Variants in TMEM184C observed in about 807,000 individuals in gnomAD.
The protein encoded by TMEM184C is transmembrane protein 184C, also known as transmembrane protein 34.
In TMEM184C, 25 loss-of-function variants were observed where a neutral mutation model predicts 54.5. That is an observed-to-expected ratio of 0.46 (90% CI 0.33 to 0.64). The LOEUF is 0.64. Ranked by LOEUF, TMEM184C falls within the 30% of genes least tolerant of loss-of-function variation. TMEM184C has a pLI of 0.02. For synonymous variants in TMEM184C, 148 were observed against 181.5 expected, an observed-to-expected ratio of 0.82 and a Z score of 1.49; for missense variants, 335 against 520.3, an observed-to-expected ratio of 0.64 and a Z score of 3.46.
intron 8 of TMEM184C, among the ~76,000 whole-genome samples, chr4:147,633,287 TG>T (rs1170784618): frequency 7.2e-5 from 11 of 151,860 alleles, no homozygotes; most frequent in Admixed American, 7.2e-4. Context: ...GAGAATGAAA[TG>T]TACTTTGCTA....
At chr4:147,625,283 T>C (rs1290576741) in intron 4 of TMEM184C, among the ~76,000 whole-genome samples, 1 of 152,218 alleles carries the variant, frequency 6.6e-6, no homozygotes, top group Non-Finnish European at 1.5e-5. Context: ...AATATGCTTT[T>C]GCAGTTGAGA....
At chr4:147,625,862 C>T (rs1314964240) in intron 4 of TMEM184C, among the ~76,000 whole-genome samples, 1 of 152,052 alleles carries the variant, frequency 6.6e-6, no homozygotes, top group Non-Finnish European at 1.5e-5. Context: ...GCCAGCTGTG[C>T]GGGAGACAGG....
chr4:147,630,918 C>T (rs1043624846), intron 6 of TMEM184C, among the ~76,000 whole-genome samples: 3 of 152,040 alleles, frequency 2.0e-5, no homozygotes, highest in African/African-American at 2.4e-5. Context: ...TGAACTAATA[C>T]ACCGCTCTCA....
intron 7 of TMEM184C, chr4:147,632,579 C>T (rs1368139883): frequency 4.7e-6 from 1 of 212,696 alleles, no homozygotes; most frequent in Non-Finnish European, 9.3e-6. Context: ...ATAAGAAACA[C>T]TGAAGTGAAT....
chr4:147,636,117 CAG>C lies in TMEM184C; in HGVS notation c.*1685_*1686del, dbSNP rs1238150569. 6.6e-6 allele frequency: 1 copy of C among 151,850 alleles called. No homozygotes were observed. The highest frequency in any genetic ancestry group is 1.9e-4 in the East Asian group (1 of 5,184). 9.4% of individuals were successfully genotyped at this position (151,850 alleles called of 1,614,324 possible). The stretch of plus-strand genomic sequence containing the variant: ...ATTCCAATGGCATTATTTACACAAA[CAG>C]AAAAAAATCCTAAAATTCATATGTA... On this transcript the variant is annotated 3_prime_UTR_variant, in exon 10 of 10. Transcript: ENST00000296582.
At chr4:147,626,009 T>TA (rs1732808913) in intron 4 of TMEM184C, among the ~76,000 whole-genome samples, 1 of 152,004 alleles carries the variant, frequency 6.6e-6, no homozygotes, top group Non-Finnish European at 1.5e-5. Flanking sequence ...GTCAAAGCTG[T>TA]CCACTTATAC....
chr4:147,626,576 T>C (rs983824588), intron 4 of TMEM184C, among the ~76,000 whole-genome samples: 2 of 152,240 alleles, frequency 1.3e-5, no homozygotes, highest in Non-Finnish European at 2.9e-5. Context: ...CTGACAAATT[T>C]TGTCTCTATT....
At position 147,624,868 on chromosome 4, in the gene TMEM184C, C is replaced by T; in HGVS notation, c.356C>T (p.Ala119Val). 1 of 1,613,850 alleles carries T rather than the reference C, an allele frequency of 6.2e-7. No individual in the cohort carries two copies. The highest frequency in any genetic ancestry group is 8.5e-7 in the Non-Finnish European group (1 of 1,179,860). ...GATACCTGCAGAGAATGCTATGAAG[C>T]TTATGTAATTTACAACTTTATGGGA... is the stretch of plus-strand genomic sequence containing the variant. Reference protein sequence around the residue: ...YVDTCRECYEAYVIYNFMGFL... With the variant: ...YVDTCRECYEVYVIYNFMGFL... Residue 119 changes from alanine to valine, a missense_variant, in exon 4 of 10, where the codon GCT becomes GTT. Ala to Val is a moderately conservative substitution (Grantham distance 64). Coordinates refer to ENST00000296582, the MANE Select transcript of TMEM184C (RefSeq NM_018241.3).
At chr4:147,634,081 A>G in intron 9 of TMEM184C, 88 bp from the exon 10 acceptor site, 1 of 1,530,198 alleles carries the variant, frequency 6.5e-7, no homozygotes, top group Admixed American at 1.9e-5. Context: ...GGGGAGTGGG[A>G]GAGGGGGAAG....
At position 147,624,999 on chromosome 4, in the gene TMEM184C, G is replaced by C. The variant is rs770194531; in HGVS notation, c.487G>C (p.Ala163Pro). 6.2e-7 allele frequency: 1 copy of C among 1,613,712 alleles called. No homozygotes were observed. Among genetic ancestry groups the C allele is most frequent in the South Asian group, 1.1e-5 (1 of 91,040 alleles). ...FPPLCCCPPW[A>P]MGEVLLFRCK... ...TCCTTTATGTTGCTGTCCACCATGG[G>C]CTATGGGAGAGTAAGTATGTTTGGT... The change falls in exon 4 of 10, where the codon GCT becomes CCT. Residue 163 changes from alanine to proline, a missense_variant. Coordinates refer to ENST00000296582, the MANE Select transcript of TMEM184C (RefSeq NM_018241.3).
chr4:147,627,831 A>AGAG (rs1328922895), intron 4 of TMEM184C, among the ~76,000 whole-genome samples: 2 of 150,996 alleles, frequency 1.3e-5, no homozygotes, highest in African/African-American at 4.9e-5. Flanking sequence ...CAGGAGGTCA[A>AGAG]GAGTAGCCTG....
Position 147,634,515 on chromosome 4 carries a change from C to A in TMEM184C, c.*81C>A. 6.8e-7 allele frequency: 1 copy of A among 1,460,720 alleles called. No individual in the cohort carries two copies. Among genetic ancestry groups the A allele is most frequent in the Non-Finnish European group, 9.2e-7 (1 of 1,087,642 alleles). The allele number at this position is 1,460,720 out of a possible 1,614,324, so 90.5% of individuals were successfully genotyped here. On this transcript the variant is annotated 3_prime_UTR_variant, in exon 10 of 10. Coordinates refer to ENST00000296582, the MANE Select transcript of TMEM184C (RefSeq NM_018241.3). The stretch of plus-strand genomic sequence containing the variant: ...CATGGATTTTGTGCTTGGGACAGAC[C>A]ATAAATGATGGAAAATGTCAACACA...
rs1578858783 is a variant in TMEM184C at position 147,625,135 on chromosome 4, G to A, written c.497+126G>A. 1.1e-5 allele frequency: 9 copies of A among 816,330 alleles called. No individual in the cohort carries two copies. In the East Asian group the frequency reaches 2.3e-4, roughly 21 times the overall value. The allele number at this position is 816,330 out of a possible 1,614,324, so 50.6% of individuals were successfully genotyped here. A position where few individuals can be genotyped will look rare whatever the true frequency, so the allele number is the denominator to read the frequency against. On this transcript the variant is annotated intron_variant, in intron 4 of 9. Transcript: ENST00000296582. ...ATAGCAGAACAATAAGTATAAGACA[G>A]CTCCTGATGCAGTTCATAGTTGTTT...
chr4:147,624,149 C>T (rs1032689389), intron 3 of TMEM184C, 51 bp downstream of exon 3: 3 of 1,459,924 alleles, frequency 2.1e-6, no homozygotes, highest in South Asian at 1.2e-5. Context: ...TTTGATGATA[C>T]TATAATTACA....
chr4:147,632,834 A>T, intron 7 of TMEM184C, 69 bp from the exon 8 acceptor site: 1 of 1,430,384 alleles, frequency 7.0e-7, no homozygotes, highest in African/African-American at 1.4e-5. Flanking sequence ...TTTTAATGGC[A>T]CATTTTTAAA....
intron 6 of TMEM184C, 124 bp from the exon 7 acceptor site, chr4:147,631,269 A>T (rs535759363): frequency 1.8e-4 from 110 of 606,698 alleles, no homozygotes; most frequent in Admixed American, 9.4e-4. Context: ...CTAAAAATAG[A>T]ATAATAAAGC....
chr4:147,621,799 G>C (rs1232976989), intron 1 of TMEM184C, among the ~76,000 whole-genome samples: 1 of 152,038 alleles, frequency 6.6e-6, no homozygotes, highest in African/African-American at 2.4e-5. Context: ...CAAGTCTCTA[G>C]TCACTTGTTT....
intron 9 of TMEM184C, 58 bp from the exon 10 acceptor site, chr4:147,634,111 A>G (rs974385613): frequency 6.4e-7 from 1 of 1,558,400 alleles, no homozygotes; most frequent in Non-Finnish European, 8.7e-7. Flanking sequence ...TATTTTTAGA[A>G]TGGTAAGTTT....
At position 147,632,899 on chromosome 4, in the gene TMEM184C, A is replaced by G. The variant is rs371217810; in HGVS notation, c.780-4A>G. ...TTTGGCGTTTACCTTTTCCTAACAT[A>G]TAGGCAAGCAGTAGTTATTGCTTTG... is the stretch of plus-strand genomic sequence containing the variant. On this transcript the variant is annotated splice_region_variant and splice_polypyrimidine_tract_variant and intron_variant, in intron 7 of 9. Transcript: ENST00000296582. 1.9e-6 allele frequency: 3 copies of G among 1,613,020 alleles called. No individual in the cohort carries two copies. Among genetic ancestry groups the G allele is most frequent in the East Asian group, 2.2e-5 (1 of 44,852 alleles).
Sources: allele counts gnomAD v4.1 joint callset (sites outside exome capture counted in the v4.1 genomes callset), GRCh38; gene constraint gnomAD v4.1.1; transcripts MANE v1.5; gene names NCBI Gene and HGNC (gene_info 2026-07-23, HGNC 2026-07-21).